The following SLC4A7 variants were observed in gnomAD, a reference collection of about 807,000 sequenced individuals.
SLC4A7 encodes the protein sodium bicarbonate cotransporter 3.
SLC4A7 carries 51 observed loss-of-function variants against 137.6 expected under a neutral mutation model. The ratio of observed to expected loss-of-function variants is 0.37; its 90% CI spans 0.30 to 0.47. The LOEUF is 0.47. Among genes scored for constraint, SLC4A7 ranks in the 20% least tolerant of loss-of-function variants. The pLI is 1.00. For synonymous variants in SLC4A7, 542 were observed against 518.6 expected (o/e 1.05, Z -0.61); for missense variants, 1,247 against 1,525.4 (o/e 0.82, Z 3.04).
intron 2 of SLC4A7, among the ~76,000 whole-genome samples, chr3:27,451,377 A>G (rs1414279950): frequency 6.6e-6 from 1 of 152,112 alleles, no homozygotes; most frequent in Non-Finnish European, 1.5e-5. Context: ...ACATGTTCAT[A>G]GTTAACATCA....
At chr3:27,455,576 T>TC (rs2150579755) in intron 1 of SLC4A7, among the ~76,000 whole-genome samples, 1 of 149,674 alleles carries the variant, frequency 6.7e-6, no homozygotes, top group East Asian at 2.0e-4. Flanking sequence ...CTAAATTTTT[T>TC]TTTTTTTTTT....
At chr3:27,431,223 T>C (rs565045108) in intron 7 of SLC4A7, 75 bp downstream of exon 7, 20 of 1,437,000 alleles carry the variant, frequency 1.4e-5, no homozygotes, top group Non-Finnish European at 1.9e-5. Flanking sequence ...GCTTAAGCTA[T>C]GTGCTAAAAG....
intron 12 of SLC4A7, among the ~76,000 whole-genome samples, chr3:27,410,386 A>G (rs931324468): frequency 6.6e-6 from 1 of 152,212 alleles, no homozygotes; most frequent in African/African-American, 2.4e-5. Context: ...AATACTCAAA[A>G]AACAGAAAAT....
At chr3:27,456,723 G>A (rs779832214) in intron 1 of SLC4A7, 10 of 1,605,600 alleles carry the variant, frequency 6.2e-6, no homozygotes, top group Non-Finnish European at 8.5e-6. Context: ...ATGTAATGCA[G>A]TAACTCCCTT....
Position 27,468,103 on chromosome 3 carries a change from AT to A in SLC4A7, c.61-15606del, listed in dbSNP as rs1410982768. On this transcript the variant is annotated intron_variant, in intron 1 of 25. Coordinates refer to ENST00000454389, the MANE Select transcript of SLC4A7 (RefSeq NM_001321103.2). ...CACACCCAGCTAAGCTAACTTTTCT[AT>A]TTTTAGTAGAGATGACGTTTCACCA... Among the ~76,000 whole-genome samples, 3 of 152,110 alleles carry A rather than the reference AT, an allele frequency of 2.0e-5. No homozygotes were observed. The East Asian group carries it at 5.8e-4, about 29-fold the overall frequency.
chr3:27,386,115 A>T, intron 22 of SLC4A7, 92 bp from the exon 23 acceptor site: 1 of 991,118 alleles, frequency 1.0e-6, no homozygotes, highest in Non-Finnish European at 1.5e-6. Context: ...TCTTATAAAA[A>T]ATGCTTCATA....
chr3:27,389,108 AC>A (rs879533241), intron 22 of SLC4A7, among the ~76,000 whole-genome samples: 1 of 152,100 alleles, frequency 6.6e-6, no homozygotes. Context: ...TTTAAAAAAA[AC>A]AACTTAGTTG....
rs538764017 is a variant in SLC4A7 at position 27,405,085 on chromosome 3, C to G, written c.1942-122G>C. ...CCATCAAGCAGTTATAAAACCAACACCACTTTGAGTTTTTAATTTAAAATA... is the reference window on the plus strand; with the variant it reads ...CCATCAAGCAGTTATAAAACCAACAGCACTTTGAGTTTTTAATTTAAAATA... On this transcript the variant is annotated intron_variant, in intron 13 of 25. Coordinates refer to ENST00000454389, the MANE Select transcript of SLC4A7 (RefSeq NM_001321103.2). The G allele has an allele frequency of 1.6e-4, 77 of 490,908 alleles. 1 individual carries two copies. In the South Asian group the frequency reaches 5.8e-3, roughly 37 times the overall value. 30.4% of individuals were successfully genotyped at this position (490,908 alleles called of 1,614,324 possible).
At position 27,461,819 on chromosome 3, in the gene SLC4A7, G is replaced by A. The variant is rs562109674; in HGVS notation, c.61-9321C>T. On this transcript the variant is annotated intron_variant, in intron 1 of 25. Coordinates refer to ENST00000454389, the MANE Select transcript of SLC4A7 (RefSeq NM_001321103.2). ...CACCAAAAAAAAAAAAAAATTAGCC[G>A]GGCACTGTGGCATGCTCCTGTAGTC... 1.3e-4 allele frequency among the ~76,000 whole-genome samples: 19 copies of A among 151,270 alleles called. No homozygotes were observed. The South Asian group carries it at 2.9e-3, about 23-fold the overall frequency.
intron 1 of SLC4A7, among the ~76,000 whole-genome samples, chr3:27,458,616 A>G (rs974146867): frequency 3.3e-5 from 5 of 152,252 alleles, no homozygotes; most frequent in Non-Finnish European, 7.3e-5. Flanking sequence ...AAATACAAGA[A>G]TAAGACATAT....
intron 1 of SLC4A7, among the ~76,000 whole-genome samples, chr3:27,471,661 C>T (rs894764460): frequency 1.3e-5 from 2 of 152,150 alleles, no homozygotes; most frequent in Admixed American, 6.5e-5. Flanking sequence ...CGTGAGCCAC[C>T]GCGCCCAGCT....
At chr3:27,391,492 T>C (rs568910671) in intron 21 of SLC4A7, among the ~76,000 whole-genome samples, 3 of 152,312 alleles carry the variant, frequency 2.0e-5, no homozygotes, top group South Asian at 4.1e-4. Context: ...TATTGAGTTA[T>C]AGGGCTTTTC....
At position 27,374,387 on chromosome 3, in the gene SLC4A7, T is replaced by C. The variant is rs773238031; in HGVS notation, c.*2377A>G. On this transcript the variant is annotated 3_prime_UTR_variant, in exon 26 of 26. Coordinates refer to ENST00000454389, the MANE Select transcript of SLC4A7 (RefSeq NM_001321103.2). ...AACTACTACTGCTTACATACACTTA[T>C]TTAAGGCAACTTTATTTAAAAATCA... The C allele has an allele frequency of 7.2e-5, 11 of 152,660 alleles. No homozygotes were observed. Among genetic ancestry groups the C allele is most frequent in the South Asian group, 2.1e-4 (1 of 4,830 alleles). The allele number at this position is 152,660 out of a possible 1,614,324, so 9.5% of individuals were successfully genotyped here. A position where few individuals can be genotyped will look rare whatever the true frequency, so the allele number is the denominator to read the frequency against.
At chr3:27,401,959 T>C (rs572802361) in intron 15 of SLC4A7, among the ~76,000 whole-genome samples, 1 of 152,344 alleles carries the variant, frequency 6.6e-6, no homozygotes, top group East Asian at 1.9e-4. Flanking sequence ...TATATTCAAA[T>C]AGGTCAATGT....
intron 1 of SLC4A7, among the ~76,000 whole-genome samples, chr3:27,460,178 C>T (rs2058621646): frequency 6.6e-6 from 1 of 151,870 alleles, no homozygotes; most frequent in African/African-American, 2.4e-5. Flanking sequence ...GGATTATAGG[C>T]GTCCACCACT....
chr3:27,397,034 C>CT (rs71624668), intron 18 of SLC4A7, among the ~76,000 whole-genome samples: 3,205 of 148,508 alleles, frequency 0.022, 59 homozygotes, highest in Non-Finnish European at 0.029. Context: ...TTTTAGGTTA[C>CT]TTTTTTTTTT....
chr3:27,462,534 G>T (rs1301035653), intron 1 of SLC4A7: 1 of 152,400 alleles, frequency 6.6e-6, no homozygotes, highest in African/African-American at 2.4e-5. Flanking sequence ...TGACAAATCG[G>T]AATTATGCTA....
At chr3:27,383,028 T>C in intron 24 of SLC4A7, 125 bp downstream of exon 24, 1 of 638,362 alleles carries the variant, frequency 1.6e-6, no homozygotes, top group East Asian at 2.9e-5. Context: ...CTTTAGTTGA[T>C]ACACCATATG....
At chr3:27,443,297 T>C (rs965984027) in intron 3 of SLC4A7, among the ~76,000 whole-genome samples, 30 of 152,154 alleles carry the variant, frequency 2.0e-4, no homozygotes, top group African/African-American at 6.8e-4. Context: ...CTCAAAGTGC[T>C]GGAATTACAG....
Sources: gnomAD v4.1 joint callset for allele counts (sites outside exome capture counted in the v4.1 genomes callset) on GRCh38, gnomAD v4.1.1 for gene constraint, MANE v1.5 for transcripts, NCBI Gene and HGNC (gene_info 2026-07-23, HGNC 2026-07-21) for gene names.